Variants in STK39 observed in about 807,000 individuals in gnomAD.
STK39 encodes the protein STE20/SPS1-related proline-alanine-rich protein kinase.
In STK39, 20 loss-of-function variants were observed where a neutral mutation model predicts 77.8. The ratio of observed to expected loss-of-function variants is 0.26; its 90% CI spans 0.18 to 0.37. The LOEUF is 0.37. Ranked by LOEUF, STK39 falls within the 10% of genes least tolerant of loss-of-function variation. The pLI, the probability that STK39 is intolerant of heterozygous loss-of-function variation, is 1.00. For missense variants in STK39, 479 were observed against 656.5 expected, an observed-to-expected ratio of 0.73 and a Z score of 2.95; for synonymous variants, 246 against 234.1, an observed-to-expected ratio of 1.05 and a Z score of -0.47.
intron 12 of STK39, among the ~76,000 whole-genome samples, chr2:168,067,328 G>A (rs1285199086): frequency 6.6e-6 from 1 of 152,140 alleles, no homozygotes; most frequent in East Asian, 1.9e-4. Context: ...CCATTCCCTT[G>A]GTGATAAGTG....
chr2:168,214,882 T>C (rs1398652163), intron 1 of STK39, among the ~76,000 whole-genome samples: 1 of 152,196 alleles, frequency 6.6e-6, no homozygotes, highest in Non-Finnish European at 1.5e-5. Context: ...AAAGAGTGTA[T>C]TGGTTTGCTG....
chr2:168,012,644 A>T lies in STK39; in HGVS notation c.1488T>A (p.Asp496Glu). The T allele has an allele frequency of 6.2e-7, 1 of 1,613,762 alleles. No homozygotes were observed. Among genetic ancestry groups the T allele is most frequent in the Non-Finnish European group, 8.5e-7 (1 of 1,179,794 alleles). Residue 496 changes from aspartate to glutamate, a missense_variant, in exon 16 of 18, where the codon GAT (aspartate) becomes GAA (glutamate). Around this residue, in one of 3 missense-constraint regions of STK39, gnomAD observed 244 missense variants for 296.8 expected, o/e 0.82. Coordinates refer to ENST00000355999, the MANE Select transcript of STK39 (RefSeq NM_013233.3). ...LFSAGLVDGH[D>E]VVIVAANLQK... ...TAAAAAACAATTTACCTATAACTAC[A>T]TCGTGACCATCCACCAAGCCAGCAG...
intron 8 of STK39, among the ~76,000 whole-genome samples, chr2:168,136,918 C>G (rs1039479158): frequency 1.3e-5 from 2 of 152,042 alleles, no homozygotes; most frequent in African/African-American, 4.8e-5. Flanking sequence ...AATAATCATC[C>G]CTTTTACAAT....
chr2:168,073,398 A>G (rs16854638), intron 12 of STK39, among the ~76,000 whole-genome samples: 1 of 152,218 alleles, frequency 6.6e-6, no homozygotes, highest in South Asian at 2.1e-4. Flanking sequence ...TTATGTTGTT[A>G]TATTTCTCAG....
At chr2:168,119,524 C>T (rs1328142513) in intron 10 of STK39, among the ~76,000 whole-genome samples, 1 of 152,088 alleles carries the variant, frequency 6.6e-6, no homozygotes, top group Admixed American at 6.6e-5. Context: ...AAACCATCAC[C>T]CTTCAATCTC....
At chr2:168,201,472 T>G (rs1689610513) in intron 1 of STK39, among the ~76,000 whole-genome samples, 1 of 152,220 alleles carries the variant, frequency 6.6e-6, no homozygotes, top group African/African-American at 2.4e-5. Context: ...GCTAGCAAGC[T>G]CTGGCCATCA....
At chr2:168,023,372 C>T (rs555431595) in intron 14 of STK39, among the ~76,000 whole-genome samples, 129 of 151,500 alleles carry the variant, frequency 8.5e-4, no homozygotes, top group African/African-American at 2.5e-3. Flanking sequence ...AGTGACACAA[C>T]GAACAATCAA....
chr2:168,063,425 G>C lies in STK39; in HGVS notation c.1376+75C>G. On this transcript the variant is annotated intron_variant, in intron 14 of 17. Coordinates refer to ENST00000355999, the MANE Select transcript of STK39 (RefSeq NM_013233.3). ...CGATTCTATTTTATGCTAATATTAT[G>C]AAAGGTTAACGAAGGAGATTTAAAA... 4.6e-6 allele frequency: 6 copies of C among 1,305,380 alleles called. No individual in the cohort carries two copies. The South Asian group carries it at 7.7e-5, about 17-fold the overall frequency. The allele number at this position is 1,305,380 out of a possible 1,614,324, so 80.9% of individuals were successfully genotyped here.
intron 1 of STK39, among the ~76,000 whole-genome samples, chr2:168,210,385 A>G (rs1361946562): frequency 1.3e-5 from 2 of 152,228 alleles, no homozygotes. Flanking sequence ...ATTGCTATGA[A>G]AGAAAATATG....
intron 1 of STK39, among the ~76,000 whole-genome samples, chr2:168,245,994 T>G (rs1396977750): frequency 6.6e-6 from 1 of 152,200 alleles, no homozygotes; most frequent in Non-Finnish European, 1.5e-5. Context: ...TATGCTGTTT[T>G]ATTCCCCAAT....
intron 14 of STK39, among the ~76,000 whole-genome samples, chr2:168,056,516 A>G (rs1685530656): frequency 6.6e-6 from 1 of 152,196 alleles, no homozygotes; most frequent in Non-Finnish European, 1.5e-5. Flanking sequence ...TCTCCTACCT[A>G]CTAGCCTGTG....
Position 168,139,424 on chromosome 2 carries a change from A to AT in STK39, c.840+864_840+865insA, listed in dbSNP as rs1559115953. The stretch of plus-strand genomic sequence containing the variant: ...AAAAAAAATTTATATATATATATAT[A>AT]AAAACAATAAAATGAATTACACTGA... On this transcript the variant is annotated intron_variant, in intron 7 of 17. Transcript: ENST00000355999. Among the ~76,000 whole-genome samples the AT allele has an allele frequency of 3.4e-3, 505 of 150,474 alleles. 5 individuals carry two copies. The highest frequency in any genetic ancestry group is 0.011 in the African/African-American group (467 of 40,858).
chr2:167,992,337 C>T (rs924283908), intron 16 of STK39, among the ~76,000 whole-genome samples: 1 of 151,680 alleles, frequency 6.6e-6, no homozygotes, highest in African/African-American at 2.4e-5. Flanking sequence ...CCAACAACAA[C>T]AACAAAAAAA....
rs1361171601 is a variant in STK39 at position 168,050,713 on chromosome 2, C to T, written c.1376+12787G>A. 2.0e-5 allele frequency among the ~76,000 whole-genome samples: 3 copies of T among 152,200 alleles called. No individual in the cohort carries two copies. The East Asian group carries it at 5.8e-4, about 29-fold the overall frequency. ...GAAAGGAATGCAGCCCTATAGACAC[C>T]TTGATTTTAGCCCGCTGAGACTCTT... is the stretch of plus-strand genomic sequence containing the variant. On this transcript the variant is annotated intron_variant, in intron 14 of 17. Transcript: ENST00000355999.
chr2:167,969,561 T>C (rs1454580581), intron 16 of STK39, among the ~76,000 whole-genome samples: 1 of 152,232 alleles, frequency 6.6e-6, no homozygotes. Flanking sequence ...ATCTGTCACA[T>C]ACCTGATTTC....
At chr2:168,119,730 AC>A (rs1432872138) in intron 10 of STK39, among the ~76,000 whole-genome samples, 2 of 152,232 alleles carry the variant, frequency 1.3e-5, no homozygotes, top group Admixed American at 6.5e-5. Flanking sequence ...TTGGAACAAA[AC>A]TAACATCATT....
intron 16 of STK39, among the ~76,000 whole-genome samples, chr2:168,001,744 A>T (rs911476357): frequency 1.3e-5 from 2 of 152,222 alleles, no homozygotes; most frequent in Admixed American, 6.5e-5. Flanking sequence ...TAACCAATGA[A>T]GTAAAAAAAC....
intron 16 of STK39, among the ~76,000 whole-genome samples, chr2:167,980,335 C>CGGG (rs1683382997): frequency 6.6e-6 from 1 of 152,146 alleles, no homozygotes; most frequent in African/African-American, 2.4e-5. Flanking sequence ...CACATAACTT[C>CGGG]CCAGGATCAA....
At chr2:168,162,891 G>T (rs1001233763) in intron 4 of STK39, among the ~76,000 whole-genome samples, 1 of 151,894 alleles carries the variant, frequency 6.6e-6, no homozygotes, top group Non-Finnish European at 1.5e-5. Context: ...GCCAGGCATG[G>T]TGCCGCATGC....
Sources: gnomAD v4.1 joint callset for allele counts (sites outside exome capture counted in the v4.1 genomes callset) on GRCh38, gnomAD v4.1.1 for gene constraint, gnomAD v4.1.1 regional missense constraint, MANE v1.5 for transcripts, NCBI Gene and HGNC (gene_info 2026-07-23, HGNC 2026-07-21) for gene names.